KIF1A: variants seen among roughly 807,000 people sequenced by gnomAD.
The protein encoded by KIF1A is kinesin family member 1A.
In KIF1A, 46 loss-of-function variants were observed where a neutral mutation model predicts 227.3. The observed-to-expected ratio is 0.20, with a 90% CI of 0.16 to 0.26. The LOEUF (loss-of-function observed/expected upper bound fraction) is 0.26. KIF1A is among the 10% of genes least tolerant of loss of function. The pLI, the probability that KIF1A is intolerant of heterozygous loss-of-function variation, is 1.00. For synonymous variants in KIF1A, 1,022 were observed against 1,012.8 expected, an observed-to-expected ratio of 1.01 and a Z score of -0.17; for missense variants, 1,683 against 2,485.9, an observed-to-expected ratio of 0.68 and a Z score of 6.87.
chr2:240,755,793 G>A (rs1012326696), intron 27 of KIF1A, among the ~76,000 whole-genome samples: 24 of 152,328 alleles, frequency 1.6e-4, no homozygotes, highest in Non-Finnish European at 2.1e-4. Flanking sequence ...CCCCCTGTGC[G>A]TCCTGATCCC....
At chr2:240,746,242 C>A in intron 29 of KIF1A, 65 bp from the exon 30 acceptor site, 1 of 1,526,072 alleles carries the variant, frequency 6.6e-7, no homozygotes, top group Admixed American at 2.1e-5. Context: ...ACCGTAGACC[C>A]TGCCACAGGC....
In KIF1A at chr2:240,752,791, C is replaced by A. The variant is rs1012195713; in HGVS notation, c.2859-2244G>T. On this transcript the variant is annotated intron_variant, in intron 27 of 48. Transcript: ENST00000498729. The surrounding 1 kb of genome is among the most constrained non-coding windows in gnomAD (Gnocchi z 6.4). ...CTGAGGATGAAGAGACTGCCCCCAC[C>A]CCACTCTGCAGGAAGCCCATGGGGT... is the stretch of plus-strand genomic sequence containing the variant. Among the ~76,000 whole-genome samples the A allele has an allele frequency of 2.0e-5, 3 of 152,144 alleles. No individual in the cohort carries two copies. The highest frequency in any genetic ancestry group is 2.9e-5 in the Non-Finnish European group (2 of 68,024).
chr2:240,786,738 T>TGAGTGAGGG, intron 5 of KIF1A, among the ~76,000 whole-genome samples: 1 of 23,994 alleles, frequency 4.2e-5, no homozygotes, highest in Non-Finnish European at 1.1e-4. Context: ...GGGGGCTGCC[T>TGAGTGAGGG]GCTGGGCCCC....
chr2:240,717,206 G>T lies in KIF1A; in HGVS notation c.*158C>A. 1 of 621,178 alleles carries T rather than the reference G, an allele frequency of 1.6e-6. No individual in the cohort carries two copies. The highest frequency in any genetic ancestry group is 2.8e-6 in the Non-Finnish European group (1 of 351,634). 38.5% of individuals were successfully genotyped at this position (621,178 alleles called of 1,614,324 possible). Reference sequence around the variant, plus strand: ...CTCTGCTGGGAGCACAGCTGGTCGTGTGGCACAGGTCCCCGGGCCTGGCAT... The same window carrying T: ...CTCTGCTGGGAGCACAGCTGGTCGTTTGGCACAGGTCCCCGGGCCTGGCAT... On this transcript the variant is annotated 3_prime_UTR_variant, in exon 49 of 49. Transcript: ENST00000498729.
chr2:240,812,906 G>GCCTTCACCTCAAGGATCCA (rs2058013967), intron 1 of KIF1A, among the ~76,000 whole-genome samples: 3 of 143,228 alleles, frequency 2.1e-5, no homozygotes, highest in East Asian at 2.2e-4. Context: ...TCGGGGATCC[G>GCCTTCACCTCAAGGATCCA]CCTTCACCTC....
intron 1 of KIF1A, among the ~76,000 whole-genome samples, chr2:240,813,861 G>T (rs562921759): frequency 2.6e-4 from 40 of 152,326 alleles, no homozygotes; most frequent in Non-Finnish European, 1.2e-4. Flanking sequence ...GACAGGCAAA[G>T]CATGGAACAG....
chr2:240,813,606 G>C (rs539175398), intron 1 of KIF1A, among the ~76,000 whole-genome samples: 24 of 152,226 alleles, frequency 1.6e-4, no homozygotes, highest in Non-Finnish European at 2.5e-4. Context: ...ATATGCAGGG[G>C]CAGCTTGGTA....
chr2:240,799,583 G>A (rs890444979), intron 1 of KIF1A, among the ~76,000 whole-genome samples: 16 of 152,216 alleles, frequency 1.1e-4, no homozygotes, highest in African/African-American at 3.1e-4. Context: ...GGCTGCCAGC[G>A]TGGACGGGGG....
In KIF1A at chr2:240,726,404, A is replaced by C. The variant is rs1020486187; in HGVS notation, c.4122+422T>G. The stretch of plus-strand genomic sequence containing the variant: ...GGTGGGTGGATCACCTGAGGCCAGG[A>C]GTTTGAGAACAGCCTGGCCAACATG... On this transcript the variant is annotated intron_variant, in intron 39 of 48. Transcript: ENST00000498729. This position sits in a 1 kb window ranked among gnomAD's most constrained non-coding sequence, Gnocchi z 5.2. Among the ~76,000 whole-genome samples the C allele has an allele frequency of 6.6e-6, 1 of 152,216 alleles. No homozygotes were observed. Among genetic ancestry groups the C allele is most frequent in the Non-Finnish European group, 1.5e-5 (1 of 68,036 alleles).
intron 38 of KIF1A, among the ~76,000 whole-genome samples, chr2:240,727,281 G>A (rs2046130387): frequency 6.6e-6 from 1 of 152,196 alleles, no homozygotes; most frequent in South Asian, 2.1e-4. Flanking sequence ...AGGGAGGCAG[G>A]ACAGGGAGCT....
chr2:240,789,125 C>T lies in KIF1A; in HGVS notation c.183+111G>A. On this transcript the variant is annotated intron_variant, in intron 3 of 48. Coordinates refer to ENST00000498729, the MANE Select transcript of KIF1A (RefSeq NM_001244008.2). This position sits in a 1 kb window ranked among gnomAD's most constrained non-coding sequence, Gnocchi z 4.8. ...CCTTCCAGGGGAGCAGGGTGGGGTC[C>T]TCGCCCCAGTTAGAGAGGAATGAGC... 1 of 863,728 alleles carries T rather than the reference C, an allele frequency of 1.2e-6. No individual in the cohort carries two copies. The highest frequency in any genetic ancestry group is 1.5e-5 in the South Asian group (1 of 66,418). The allele number at this position is 863,728 out of a possible 1,614,324, so 53.5% of individuals were successfully genotyped here. A position where few individuals can be genotyped will look rare whatever the true frequency, so the allele number is the denominator to read the frequency against.
chr2:240,734,086 C>G (rs996996339), intron 38 of KIF1A, among the ~76,000 whole-genome samples: 5 of 152,252 alleles, frequency 3.3e-5, no homozygotes, highest in South Asian at 2.1e-4. Context: ...CCCGCCACTT[C>G]CACAAAAGGA....
intron 45 of KIF1A, 113 bp downstream of exon 45, chr2:240,720,801 G>A: frequency 1.5e-6 from 2 of 1,304,648 alleles, no homozygotes; most frequent in Non-Finnish European, 1.0e-6. Flanking sequence ...GCCACCCCAA[G>A]GCACTCGGCC....
At position 240,773,123 on chromosome 2, in the gene KIF1A, T is replaced by G. The variant is rs931858851; in HGVS notation, c.1171A>C (p.Ile391Leu). 6.2e-7 allele frequency: 1 copy of G among 1,612,540 alleles called. No individual in the cohort carries two copies. Among genetic ancestry groups the G allele is most frequent in the Non-Finnish European group, 8.5e-7 (1 of 1,179,346 alleles). The change falls in exon 13 of 49, where the codon ATC becomes CTC. Residue 391 changes from isoleucine (I) to leucine (L), a missense_variant. Transcript: ENST00000498729. Reference protein sequence around the residue: ...DLLYAQGLGDITDTNTVPGGP... With the variant: ...DLLYAQGLGDLTDTNTVPGGP... ...TGGAGCAGGCACTCACTGTCAGTGA[T>G]GTCGCCAAGACCCTGGGCGTACAGA... is the stretch of plus-strand genomic sequence containing the variant.
intron 40 of KIF1A, 137 bp from the exon 41 acceptor site, chr2:240,724,173 G>A (rs887527130): frequency 2.9e-5 from 22 of 756,456 alleles, no homozygotes; most frequent in Non-Finnish European, 3.8e-5. Flanking sequence ...AGGTCCCTGA[G>A]CTACAGCCCC....
chr2:240,758,571 T>G lies in KIF1A; in HGVS notation c.2445-74A>C. ...GCTGGCACCGCACACCCTTATCTCC[T>G]GGGGACAGTGGGCTCAGCCTAGCTC... On this transcript the variant is annotated intron_variant, in intron 25 of 48. Coordinates refer to ENST00000498729, the MANE Select transcript of KIF1A (RefSeq NM_001244008.2). This position sits in a 1 kb window ranked among gnomAD's most constrained non-coding sequence, Gnocchi z 5.2. 9.3e-6 allele frequency: 13 copies of G among 1,396,436 alleles called. No individual in the cohort carries two copies. The highest frequency in any genetic ancestry group is 1.2e-5 in the Non-Finnish European group (13 of 1,060,668). The allele number at this position is 1,396,436 out of a possible 1,614,324, so 86.5% of individuals were successfully genotyped here. A position where few individuals can be genotyped will look rare whatever the true frequency, so the allele number is the denominator to read the frequency against.
intron 20 of KIF1A, 66 bp from the exon 21 acceptor site, chr2:240,763,412 G>A (rs527918383): frequency 1.4e-5 from 20 of 1,444,858 alleles, no homozygotes; most frequent in East Asian, 5.1e-5. Flanking sequence ...GGTCTCAAGC[G>A]GGGAGGCGTG....
In KIF1A at chr2:240,758,537, C is replaced by A. The variant is rs367957554; in HGVS notation, c.2445-40G>T. 6.7e-7 allele frequency: 1 copy of A among 1,503,118 alleles called. No homozygotes were observed. Among genetic ancestry groups the A allele is most frequent in the Non-Finnish European group, 8.9e-7 (1 of 1,123,374 alleles). The allele number at this position is 1,503,118 out of a possible 1,614,324, so 93.1% of individuals were successfully genotyped here. On this transcript the variant is annotated intron_variant, in intron 25 of 48. Transcript: ENST00000498729. The surrounding 1 kb of genome is among the most constrained non-coding windows in gnomAD (Gnocchi z 5.2). ...GGGGTCAATGTGGACCCAGGCCCAGCGCTCAGCAGCTGGCACCGCACACCC... is the reference window on the plus strand; with the variant it reads ...GGGGTCAATGTGGACCCAGGCCCAGAGCTCAGCAGCTGGCACCGCACACCC...
chr2:240,795,887 C>G (rs914537477), intron 2 of KIF1A, among the ~76,000 whole-genome samples: 1 of 152,218 alleles, frequency 6.6e-6, no homozygotes, highest in Admixed American at 6.5e-5. Flanking sequence ...TTCTTCCATC[C>G]ACTCTGCTTC....
Sources: allele counts gnomAD v4.1 joint callset (sites outside exome capture counted in the v4.1 genomes callset), GRCh38; gene constraint gnomAD v4.1.1; non-coding constraint Gnocchi (gnomAD v3.1); transcripts MANE v1.5; gene names NCBI Gene and HGNC (gene_info 2026-07-23, HGNC 2026-07-21).